SLC14A2: variants seen among roughly 807,000 people sequenced by gnomAD.
SLC14A2 encodes urea transporter 2.
SLC14A2 carries 91 observed loss-of-function variants against 104.6 expected under a neutral mutation model. The observed-to-expected ratio is 0.87, with a 90% CI of 0.73 to 1.04. The LOEUF (loss-of-function observed/expected upper bound fraction) is 1.04, where lower values mean the gene tolerates loss of function less well. Among genes scored for constraint, SLC14A2 ranks in the 50% least tolerant of loss-of-function variants. SLC14A2 has a pLI of 0.00. For synonymous variants in SLC14A2, 476 were observed against 466.4 expected (o/e 1.02, Z -0.27); for missense variants, 1,189 against 1,156.0 (o/e 1.03, Z -0.41).
chr18:45,298,668 G>A (rs1568141059), intron 1 of SLC14A2, among the ~76,000 whole-genome samples: 1 of 152,160 alleles, frequency 6.6e-6, no homozygotes, highest in Non-Finnish European at 1.5e-5. Flanking sequence ...ACGTTTGATT[G>A]TATATTAATA....
chr18:45,174,955 A>G, the SLC14A2 span, among the ~76,000 whole-genome samples: 1 of 152,198 alleles, frequency 6.6e-6, no homozygotes, highest in Non-Finnish European at 1.5e-5. Flanking sequence ...GCAAAAATCC[A>G]CAAGATCACA....
chr18:45,317,460 A>G (rs1260799686), intron 1 of SLC14A2, among the ~76,000 whole-genome samples: 1 of 152,240 alleles, frequency 6.6e-6, no homozygotes, highest in Non-Finnish European at 1.5e-5. Flanking sequence ...TTTACAGTAT[A>G]AAATGTTAGG....
chr18:45,677,009 G>A (rs1449726783), intron 18 of SLC14A2, among the ~76,000 whole-genome samples: 2 of 152,128 alleles, frequency 1.3e-5, no homozygotes, highest in African/African-American at 4.8e-5. Flanking sequence ...AGGCCAGGTG[G>A]CCAGGCATCC....
intron 1 of SLC14A2, among the ~76,000 whole-genome samples, chr18:45,420,408 G>A (rs1420107195): frequency 2.0e-5 from 3 of 152,238 alleles, no homozygotes; most frequent in African/African-American, 7.2e-5. Context: ...GTGAACTCCA[G>A]GAAATAAAGA....
intron 16 of SLC14A2, among the ~76,000 whole-genome samples, chr18:45,669,800 G>A (rs937193640): frequency 1.3e-5 from 2 of 152,210 alleles, no homozygotes; most frequent in Non-Finnish European, 2.9e-5. Flanking sequence ...TCAGCCTCCT[G>A]ACTTCCAGCC....
chr18:45,388,743 A>G (rs1004721492), intron 1 of SLC14A2, among the ~76,000 whole-genome samples: 5 of 152,170 alleles, frequency 3.3e-5, no homozygotes, highest in Admixed American at 2.6e-4. Context: ...TGCATGAAGA[A>G]GAGGTACAAA....
At chr18:45,569,421 C>T (rs1183526293) in intron 2 of SLC14A2, among the ~76,000 whole-genome samples, 1 of 152,170 alleles carries the variant, frequency 6.6e-6, no homozygotes, top group African/African-American at 2.4e-5. Flanking sequence ...TTTCTTACTC[C>T]CTTAGAATCT....
chr18:45,400,124 A>G (rs553957178), intron 1 of SLC14A2, among the ~76,000 whole-genome samples: 2 of 152,362 alleles, frequency 1.3e-5, no homozygotes, highest in Non-Finnish European at 1.5e-5. Flanking sequence ...GGATAAGGAC[A>G]TATCGTACAC....
chr18:45,235,820 TATATATATATAC>T (rs2084220781), intron 1 of SLC14A2, among the ~76,000 whole-genome samples: 2 of 130,526 alleles, frequency 1.5e-5, no homozygotes, highest in East Asian at 2.0e-4. Context: ...TGTGTATATA[TATATATATATAC>T]GTGTATATAT....
At chr18:45,511,992 G>T (rs954666492) in intron 2 of SLC14A2, among the ~76,000 whole-genome samples, 2 of 152,140 alleles carry the variant, frequency 1.3e-5, no homozygotes, top group Non-Finnish European at 2.9e-5. Flanking sequence ...GAAAGAGGAA[G>T]GTAGAAAAAT....
intron 1 of SLC14A2, among the ~76,000 whole-genome samples, chr18:45,310,491 C>T (rs575577164): frequency 6.6e-6 from 1 of 152,196 alleles, no homozygotes; most frequent in Non-Finnish European, 1.5e-5. Flanking sequence ...ACAGTTCAGA[C>T]AAGAATACAA....
intron 2 of SLC14A2, among the ~76,000 whole-genome samples, chr18:45,591,521 C>T (rs370675200): frequency 6.6e-5 from 10 of 152,154 alleles, no homozygotes; most frequent in South Asian, 4.2e-4. Flanking sequence ...ATTTTTAGTA[C>T]AGACAGGGTT....
At chr18:45,296,792 C>T (rs2084921675) in intron 1 of SLC14A2, among the ~76,000 whole-genome samples, 1 of 126,588 alleles carries the variant, frequency 7.9e-6, no homozygotes, top group South Asian at 2.4e-4. Flanking sequence ...TGTATGACAA[C>T]TTCCTTTCTG....
chr18:45,487,623 G>C (rs1361583544), intron 2 of SLC14A2, among the ~76,000 whole-genome samples: 1 of 152,140 alleles, frequency 6.6e-6, no homozygotes, highest in African/African-American at 2.4e-5. Flanking sequence ...AGGTGTGTGT[G>C]TTGGAAGTAA....
intron 1 of SLC14A2, among the ~76,000 whole-genome samples, chr18:45,426,613 T>C (rs1192928464): frequency 6.7e-6 from 1 of 149,076 alleles, no homozygotes; most frequent in Non-Finnish European, 1.5e-5. Context: ...ATGTACTATA[T>C]ATATACACAT....
intron 1 of SLC14A2, among the ~76,000 whole-genome samples, chr18:45,236,967 G>A (rs905368646): frequency 6.6e-6 from 1 of 152,098 alleles, no homozygotes; most frequent in Non-Finnish European, 1.5e-5. Context: ...GGAAGTCTTG[G>A]GGGAGAGCCC....
intron 1 of SLC14A2, among the ~76,000 whole-genome samples, chr18:45,306,792 G>T (rs1008024171): frequency 6.6e-6 from 1 of 152,168 alleles, no homozygotes; most frequent in Non-Finnish European, 1.5e-5. Context: ...AAAGTTTTCA[G>T]CTGGGTGGCA....
chr18:45,517,067 C>T (rs568251156), intron 2 of SLC14A2, among the ~76,000 whole-genome samples: 2 of 152,324 alleles, frequency 1.3e-5, no homozygotes, highest in South Asian at 2.1e-4. Flanking sequence ...GTGAATGAGA[C>T]TGGCAGGGTC....
intron 2 of SLC14A2, among the ~76,000 whole-genome samples, chr18:45,507,840 A>T (rs1468475051): frequency 6.6e-6 from 1 of 152,182 alleles, no homozygotes; most frequent in Non-Finnish European, 1.5e-5. Context: ...GCTTACTGCA[A>T]AGTAAAATAA....
Sources: gnomAD v4.1 joint callset for allele counts (sites outside exome capture counted in the v4.1 genomes callset) on GRCh38, gnomAD v4.1.1 for gene constraint, MANE v1.5 for transcripts, NCBI Gene and HGNC (gene_info 2026-07-23, HGNC 2026-07-21) for gene names.